Variants in SGMS1 observed in about 807,000 individuals in gnomAD.
SGMS1 encodes phosphatidylcholine:ceramide cholinephosphotransferase 1.
Under a neutral mutation model 46.2 loss-of-function variants are expected in SGMS1, and 13 were observed. The observed-to-expected ratio is 0.28, with a 90% confidence interval of 0.18 to 0.45. SGMS1 has a LOEUF of 0.45. Among genes scored for constraint, SGMS1 ranks in the 20% least tolerant of loss-of-function variants. SGMS1 has a pLI of 1.00. For missense variants in SGMS1, 324 were observed against 519.9 expected, an observed-to-expected ratio of 0.62 and a Z score of 3.66; for synonymous variants, 203 against 187.8, an observed-to-expected ratio of 1.08 and a Z score of -0.66.
chr10:50,432,119 A>AAT (rs1849410475), intron 6 of SGMS1, among the ~76,000 whole-genome samples: 3 of 152,174 alleles, frequency 2.0e-5, no homozygotes, highest in Admixed American at 2.0e-4. Context: ...GTGGCTTAGA[A>AAT]ATGTCTTCAC....
intron 6 of SGMS1, among the ~76,000 whole-genome samples, chr10:50,395,096 G>A (rs1441139538): frequency 6.6e-6 from 1 of 152,152 alleles, no homozygotes; most frequent in Non-Finnish European, 1.5e-5. Context: ...TCAAGCCCCT[G>A]AGGGTGATAA....
chr10:50,439,722 A>T (rs1431460150), intron 5 of SGMS1, among the ~76,000 whole-genome samples: 12 of 152,198 alleles, frequency 7.9e-5, no homozygotes, highest in Admixed American at 7.9e-4. Flanking sequence ...TTTCAAAAGC[A>T]ATGCACAATA....
At chr10:50,458,339 C>CTTTTT (rs750349777) in intron 5 of SGMS1, among the ~76,000 whole-genome samples, 2,011 of 97,070 alleles carry the variant, frequency 0.021, 104 homozygotes, top group Non-Finnish European at 0.028. Flanking sequence ...TTCTTTTTCT[C>CTTTTT]TTTTTTTTTT....
intron 6 of SGMS1, among the ~76,000 whole-genome samples, chr10:50,423,475 C>T (rs950643534): frequency 2.6e-5 from 4 of 152,068 alleles, no homozygotes; most frequent in Non-Finnish European, 5.9e-5. Flanking sequence ...TAGAAGAAAA[C>T]GGGTTTAATT....
intron 5 of SGMS1, among the ~76,000 whole-genome samples, chr10:50,453,112 T>A (rs1837133413): frequency 6.6e-6 from 1 of 151,452 alleles, no homozygotes; most frequent in African/African-American, 2.4e-5. Flanking sequence ...TACAAGGAAA[T>A]AAGAGACCAT....
At chr10:50,319,759 G>A (rs1232027861) in intron 8 of SGMS1, among the ~76,000 whole-genome samples, 1 of 152,170 alleles carries the variant, frequency 6.6e-6, no homozygotes, top group Non-Finnish European at 1.5e-5. Flanking sequence ...AGCACCTGAT[G>A]TCATTTGTCC....
chr10:50,570,171 A>C (rs541034573), intron 2 of SGMS1, among the ~76,000 whole-genome samples: 1 of 152,208 alleles, frequency 6.6e-6, no homozygotes. Context: ...TATTAGCCTC[A>C]TAGTCTTTAC....
intron 1 of SGMS1, among the ~76,000 whole-genome samples, chr10:50,599,527 G>A (rs1284459792): frequency 6.6e-6 from 1 of 152,058 alleles, no homozygotes; most frequent in Non-Finnish European, 1.5e-5. Flanking sequence ...TTCTAGGAGA[G>A]AAGAAACCAT....
At chr10:50,317,575 C>T (rs985155939) in intron 8 of SGMS1, among the ~76,000 whole-genome samples, 4 of 152,170 alleles carry the variant, frequency 2.6e-5, no homozygotes, top group African/African-American at 9.6e-5. Context: ...TTGCAAACAC[C>T]TTTCCAAATA....
intron 3 of SGMS1, among the ~76,000 whole-genome samples, chr10:50,511,245 T>TCACA (rs1409830362): frequency 8.5e-5 from 4 of 47,248 alleles, no homozygotes; most frequent in East Asian, 1.5e-3. Flanking sequence ...ATTCACTCAT[T>TCACA]CATACACACA....
In SGMS1 at chr10:50,308,069, C is replaced by T. The variant is rs369757236; in HGVS notation, c.975G>A (p.Ala325=). Residue 325 remains alanine, a synonymous_variant, in exon 10 of 11, where the codon GCG becomes GCA. Coordinates refer to ENST00000361781, the MANE Select transcript of SGMS1 (RefSeq NM_147156.4). ...CCACGTCCACAGTGTAGTGGTCATG[C>T]GCTAAGAGAATACAGAAGATTCCAA... ...SVVGIFCILL[A]HDHYTVDVVV... 29 of 1,613,922 alleles carry T rather than the reference C, an allele frequency of 1.8e-5. No individual in the cohort carries two copies. Among genetic ancestry groups the T allele is most frequent in the African/African-American group, 9.3e-5 (7 of 74,998 alleles).
chr10:50,441,961 T>C (rs1849551429), intron 5 of SGMS1, among the ~76,000 whole-genome samples: 1 of 152,254 alleles, frequency 6.6e-6, no homozygotes. Flanking sequence ...TCTCTAACTT[T>C]GTCATTTGAT....
intron 7 of SGMS1, among the ~76,000 whole-genome samples, chr10:50,329,088 G>A (rs968826413): frequency 1.3e-5 from 2 of 152,058 alleles, no homozygotes; most frequent in African/African-American, 4.8e-5. Context: ...TAAAATTATT[G>A]CTTTTGCTAA....
chr10:50,350,354 A>AAAATCTGC (rs1315728555), intron 6 of SGMS1, among the ~76,000 whole-genome samples: 1 of 152,192 alleles, frequency 6.6e-6, no homozygotes, highest in Admixed American at 6.5e-5. Context: ...TTGATAAGGG[A>AAAATCTGC]AAATCTGCAG....
intron 1 of SGMS1, among the ~76,000 whole-genome samples, chr10:50,616,097 AG>A (rs1367209921): frequency 6.6e-6 from 1 of 152,092 alleles, no homozygotes; most frequent in Non-Finnish European, 1.5e-5. Context: ...AACAGACAAA[AG>A]TATTAAGTTT....
At chr10:50,609,339 C>G (rs940629567) in intron 1 of SGMS1, among the ~76,000 whole-genome samples, 2 of 152,010 alleles carry the variant, frequency 1.3e-5, no homozygotes, top group Non-Finnish European at 2.9e-5. Context: ...GTGATTGAAT[C>G]TGTGGTTGCA....
chr10:50,408,467 CT>C (rs1397887559), intron 6 of SGMS1, among the ~76,000 whole-genome samples: 3 of 135,278 alleles, frequency 2.2e-5, no homozygotes, highest in African/African-American at 8.0e-5. Context: ...AAAATAAAAA[CT>C]TTTTTTAATT....
intron 1 of SGMS1, among the ~76,000 whole-genome samples, chr10:50,616,065 T>G (rs1304813230): frequency 6.6e-5 from 10 of 152,220 alleles, no homozygotes; most frequent in Non-Finnish European, 1.5e-4. Flanking sequence ...TTTCTGACTC[T>G]TCTTTATTAT....
rs555365671 is a variant in SGMS1, at chr10:50,338,123, C to T, written c.623+5369G>A. Among the ~76,000 whole-genome samples the T allele has an allele frequency of 3.3e-5, 5 of 152,260 alleles. No homozygotes were observed. In the South Asian group the frequency reaches 1.0e-3, roughly 32 times the overall value. On this transcript the variant is annotated intron_variant, in intron 7 of 10. Coordinates refer to ENST00000361781, the MANE Select transcript of SGMS1 (RefSeq NM_147156.4). ...TCTTCTTTACTTCCTTCCCTTTTGG[C>T]ATGGGATCAATTTTCAGAGAAAATT... is the stretch of plus-strand genomic sequence containing the variant.
Sources: allele counts gnomAD v4.1 joint callset (sites outside exome capture counted in the v4.1 genomes callset), GRCh38; gene constraint gnomAD v4.1.1; transcripts MANE v1.5; gene names NCBI Gene and HGNC (gene_info 2026-07-23, HGNC 2026-07-21).